CAMKMT: variants seen among roughly 807,000 people sequenced by gnomAD.
CAMKMT encodes calmodulin-lysine N-methyltransferase, also known as CaM KMT.
Under a neutral mutation model 48.0 loss-of-function variants are expected in CAMKMT, and 53 were observed. That is an observed-to-expected ratio of 1.10 (90% CI 0.89 to 1.39). The LOEUF is 1.39. Among genes scored for constraint, CAMKMT ranks in the 40% most tolerant of loss-of-function variants. CAMKMT has a pLI of 0.00. For synonymous variants in CAMKMT, 165 were observed against 152.3 expected (o/e 1.08, Z -0.61); for missense variants, 428 against 402.7 (o/e 1.06, Z -0.54).
At chr2:44,740,285 C>T (rs1326659063) in intron 7 of CAMKMT, among the ~76,000 whole-genome samples, 2 of 151,952 alleles carry the variant, frequency 1.3e-5, no homozygotes, top group Admixed American at 6.6e-5. Context: ...TGTGCCACCA[C>T]ACCCAGCTAA....
chr2:44,420,256 A>T (rs1380473731), intron 3 of CAMKMT, among the ~76,000 whole-genome samples: 1 of 152,198 alleles, frequency 6.6e-6, no homozygotes, highest in Non-Finnish European at 1.5e-5. Context: ...CTGCATAATT[A>T]TATGGTCAAG....
At chr2:44,650,232 C>A (rs560121742) in intron 3 of CAMKMT, among the ~76,000 whole-genome samples, 25 of 152,254 alleles carry the variant, frequency 1.6e-4, no homozygotes, top group African/African-American at 5.8e-4. Context: ...CAATCTTTGG[C>A]GTCCCTGGGC....
chr2:44,400,930 G>GTATATATATATATATA (rs755352747), intron 3 of CAMKMT: 2 of 64,246 alleles, frequency 3.1e-5, no homozygotes, highest in African/African-American at 9.1e-5. Context: ...TTATGTGTGT[G>GTATATATATATATATA]TATATATATA....
chr2:44,721,861 G>A (rs1249237810), intron 7 of CAMKMT, among the ~76,000 whole-genome samples: 1 of 151,838 alleles, frequency 6.6e-6, no homozygotes, highest in African/African-American at 2.4e-5. Flanking sequence ...GGGAGGGGAG[G>A]GGAGGGAAGG....
intron 3 of CAMKMT, among the ~76,000 whole-genome samples, chr2:44,511,259 T>C (rs1670534430): frequency 6.6e-6 from 1 of 152,244 alleles, no homozygotes; most frequent in African/African-American, 2.4e-5. Context: ...GGCCTGTGGC[T>C]CCATCCAAGT....
At chr2:44,574,200 A>G (rs1669078676) in intron 3 of CAMKMT, among the ~76,000 whole-genome samples, 1 of 152,252 alleles carries the variant, frequency 6.6e-6, no homozygotes, top group Non-Finnish European at 1.5e-5. Context: ...AATGCCACTC[A>G]GAGCCACATG....
chr2:44,431,407 G>C (rs1169886763), intron 3 of CAMKMT, among the ~76,000 whole-genome samples: 1 of 152,110 alleles, frequency 6.6e-6, no homozygotes, highest in African/African-American at 2.4e-5. Context: ...CTGTCAATGG[G>C]ATAAAATGGC....
chr2:44,441,149 C>A (rs79449386), intron 3 of CAMKMT, among the ~76,000 whole-genome samples: 3 of 152,232 alleles, frequency 2.0e-5, no homozygotes, highest in African/African-American at 7.2e-5. Context: ...TATCAAAACA[C>A]TTTTCCTGTG....
intron 2 of CAMKMT, among the ~76,000 whole-genome samples, chr2:44,382,467 T>C (rs558534812): frequency 6.6e-6 from 1 of 151,734 alleles, no homozygotes; most frequent in Admixed American, 6.6e-5. Flanking sequence ...CAAATAACTT[T>C]TTTCTTTTTC....
intron 10 of CAMKMT, among the ~76,000 whole-genome samples, chr2:44,768,688 G>A: frequency 6.6e-6 from 1 of 152,302 alleles, no homozygotes; most frequent in East Asian, 1.9e-4. Context: ...GCTCCGGGAC[G>A]CGGCCGCCGG....
At chr2:44,399,642 GA>G (rs1370644927) in intron 3 of CAMKMT, among the ~76,000 whole-genome samples, 4 of 150,914 alleles carry the variant, frequency 2.7e-5, no homozygotes, top group Non-Finnish European at 5.9e-5. Context: ...AAAAAGCTAA[GA>G]AAAAATTCTA....
chr2:44,586,941 G>A (rs1572859819), intron 3 of CAMKMT, among the ~76,000 whole-genome samples: 1 of 150,044 alleles, frequency 6.7e-6, no homozygotes, highest in Non-Finnish European at 1.5e-5. Context: ...GCATGGGAAA[G>A]GTCTGTCAAC....
At chr2:44,428,186 G>A (rs2104528435) in intron 3 of CAMKMT, among the ~76,000 whole-genome samples, 1 of 152,302 alleles carries the variant, frequency 6.6e-6, no homozygotes, top group East Asian at 1.9e-4. Context: ...ACACGGACTT[G>A]AAGGATGGTG....
intron 8 of CAMKMT, among the ~76,000 whole-genome samples, chr2:44,752,248 G>A (rs1573231007): frequency 6.8e-6 from 1 of 146,420 alleles, no homozygotes; most frequent in East Asian, 2.4e-4. Flanking sequence ...TGGTGCAAAA[G>A]TAATTGCGGT....
chr2:44,468,070 C>A (rs374591091), intron 3 of CAMKMT, among the ~76,000 whole-genome samples: 25 of 152,232 alleles, frequency 1.6e-4, no homozygotes, highest in African/African-American at 6.0e-4. Context: ...GAAAAGACAA[C>A]TGGAAGAATG....
chr2:44,408,710 T>C (rs1258807581), intron 3 of CAMKMT, among the ~76,000 whole-genome samples: 1 of 152,012 alleles, frequency 6.6e-6, no homozygotes, highest in African/African-American at 2.4e-5. Flanking sequence ...TTCAGAAACA[T>C]CCAATCAAGA....
At chr2:44,588,322 C>T (rs1440541565) in intron 3 of CAMKMT, among the ~76,000 whole-genome samples, 2 of 86,998 alleles carry the variant, frequency 2.3e-5, no homozygotes, top group East Asian at 2.7e-4. Flanking sequence ...GTCAGCCCCC[C>T]GCCCGGCCAG....
chr2:44,556,450 C>CTTTTTT (rs1176467214), intron 3 of CAMKMT, among the ~76,000 whole-genome samples: 16 of 50,280 alleles, frequency 3.2e-4, no homozygotes, highest in East Asian at 5.6e-4. Context: ...ATTTTTCTTT[C>CTTTTTT]TTTTTTTTTT....
intron 3 of CAMKMT, among the ~76,000 whole-genome samples, chr2:44,530,449 G>A (rs1666421687): frequency 1.3e-5 from 2 of 152,106 alleles, no homozygotes; most frequent in Admixed American, 6.6e-5. Context: ...TAGCTCTTAA[G>A]GCACTTCTAA....
Sources: gnomAD v4.1 joint callset for allele counts (sites outside exome capture counted in the v4.1 genomes callset) on GRCh38, gnomAD v4.1.1 for gene constraint, MANE v1.5 for transcripts, NCBI Gene and HGNC (gene_info 2026-07-23, HGNC 2026-07-21) for gene names.